The following DCC variants were observed in gnomAD, a reference collection of about 807,000 sequenced individuals.
DCC encodes the protein DCC netrin 1 receptor.
In DCC, 58 loss-of-function variants were observed where a neutral mutation model predicts 172.5. The ratio of observed to expected loss-of-function variants is 0.34; its 90% CI spans 0.27 to 0.42. The LOEUF (loss-of-function observed/expected upper bound fraction) is 0.42, where lower values mean the gene tolerates loss of function less well. Ranked by LOEUF, DCC falls within the 10% of genes least tolerant of loss-of-function variation. The probability of loss-of-function intolerance (pLI) is 1.00; values close to 1 mark genes in which losing one functional copy is unlikely to be tolerated. For synonymous variants in DCC, 709 were observed against 644.5 expected, an observed-to-expected ratio of 1.10 and a Z score of -1.52; for missense variants, 1,740 against 1,791.0, an observed-to-expected ratio of 0.97 and a Z score of 0.51.
At chr18:52,770,358 T>C (rs1373268103) in intron 2 of DCC, among the ~76,000 whole-genome samples, 1 of 152,228 alleles carries the variant, frequency 6.6e-6, no homozygotes, top group Non-Finnish European at 1.5e-5. Context: ...TTAAAGCTGT[T>C]TTGCTGTTTC....
chr18:52,729,984 A>G (rs1270691780), intron 1 of DCC, among the ~76,000 whole-genome samples: 1 of 152,224 alleles, frequency 6.6e-6, no homozygotes, highest in African/African-American at 2.4e-5. Flanking sequence ...TCATTGTTTT[A>G]TAAATGTCTT....
chr18:52,983,858 T>C (rs144851788), intron 5 of DCC, among the ~76,000 whole-genome samples: 2,507 of 152,152 alleles, frequency 0.016, 143 homozygotes, highest in Admixed American at 0.11. Flanking sequence ...ATAAATAAGA[T>C]ATGTATCAGC....
intron 1 of DCC, among the ~76,000 whole-genome samples, chr18:52,721,168 CAT>C (rs1260048396): frequency 2.6e-5 from 4 of 152,146 alleles, no homozygotes; most frequent in Non-Finnish European, 5.9e-5. Flanking sequence ...GTATTATCCA[CAT>C]GAGTAAGTTG....
chr18:52,842,081 T>C (rs1010002328), intron 2 of DCC, among the ~76,000 whole-genome samples: 15 of 152,004 alleles, frequency 9.9e-5, no homozygotes, highest in Non-Finnish European at 1.9e-4. Flanking sequence ...GTAAAGAAAA[T>C]TTAGTTTTAT....
At chr18:52,984,983 T>G (rs542421028) in intron 5 of DCC, among the ~76,000 whole-genome samples, 1 of 152,168 alleles carries the variant, frequency 6.6e-6, no homozygotes, top group South Asian at 2.1e-4. Flanking sequence ...TCACTAAGAT[T>G]ACATATTTCT....
At chr18:53,091,850 TCA>T (rs1378819904) in intron 7 of DCC, among the ~76,000 whole-genome samples, 28 of 49,856 alleles carry the variant, frequency 5.6e-4, no homozygotes, top group East Asian at 9.9e-3. Flanking sequence ...TATCTATCTA[TCA>T]ATCTATCTAT....
At chr18:52,621,597 T>C (rs372228337) in intron 1 of DCC, among the ~76,000 whole-genome samples, 8 of 152,150 alleles carry the variant, frequency 5.3e-5, no homozygotes, top group African/African-American at 1.9e-4. Flanking sequence ...ACTGTACTTT[T>C]GCAAAAAGGA....
At position 52,340,578 on chromosome 18, in the gene DCC, G is replaced by T. The variant is rs1983580842; in HGVS notation, c.-210G>T. ...GAACTTTTTGCTGCCTGCTTTTGCTGCTGATTCTGTCAGTGGACAAGGAAA... is the reference window on the plus strand; with the variant it reads ...GAACTTTTTGCTGCCTGCTTTTGCTTCTGATTCTGTCAGTGGACAAGGAAA... On this transcript the variant is annotated 5_prime_UTR_variant, in exon 1 of 29. Transcript: ENST00000442544. The T allele has an allele frequency of 3.2e-6, 2 of 630,994 alleles. No homozygotes were observed. The highest frequency in any genetic ancestry group is 5.0e-5 in the Admixed American group (2 of 40,364). The allele number at this position is 630,994 out of a possible 1,614,324, so 39.1% of individuals were successfully genotyped here.
chr18:52,739,386 C>T (rs1010630987), intron 1 of DCC, among the ~76,000 whole-genome samples: 2 of 152,036 alleles, frequency 1.3e-5, no homozygotes, highest in Non-Finnish European at 1.5e-5. Flanking sequence ...TTGTTAAATA[C>T]CTCTGAAATA....
chr18:52,857,873 C>T (rs1012934299), intron 2 of DCC, among the ~76,000 whole-genome samples: 1 of 152,066 alleles, frequency 6.6e-6, no homozygotes, highest in Admixed American at 6.5e-5. Flanking sequence ...ATAATAATCT[C>T]CTCATAATTA....
chr18:52,813,452 T>A (rs1370565532), intron 2 of DCC, among the ~76,000 whole-genome samples: 1 of 152,182 alleles, frequency 6.6e-6, no homozygotes, highest in African/African-American at 2.4e-5. Context: ...ATCTGGATTA[T>A]CAACTGTCAC....
chr18:53,395,703 C>T (rs1480842358), intron 17 of DCC, among the ~76,000 whole-genome samples: 1 of 152,084 alleles, frequency 6.6e-6, no homozygotes, highest in African/African-American at 2.4e-5. Flanking sequence ...AGTGCAATGG[C>T]CTGATCTTGG....
chr18:53,077,679 G>C (rs2042742136), intron 7 of DCC, among the ~76,000 whole-genome samples: 1 of 152,068 alleles, frequency 6.6e-6, no homozygotes, highest in South Asian at 2.1e-4. Flanking sequence ...TAACTAACTT[G>C]TCCAAGGTCA....
At chr18:52,853,833 C>T (rs146074467) in intron 2 of DCC, among the ~76,000 whole-genome samples, 9 of 152,278 alleles carry the variant, frequency 5.9e-5, no homozygotes, top group African/African-American at 2.2e-4. Flanking sequence ...AGCAAGATGT[C>T]GCAGACAGAT....
chr18:53,157,260 CA>C (rs1460522738), intron 7 of DCC, 95 bp from the exon 8 acceptor site: 7 of 1,431,614 alleles, frequency 4.9e-6, no homozygotes, highest in Non-Finnish European at 2.9e-6. Flanking sequence ...GTGACTATGA[CA>C]TGGAGATGCT....
chr18:53,270,431 C>G (rs1012614771), intron 12 of DCC, among the ~76,000 whole-genome samples: 1 of 152,024 alleles, frequency 6.6e-6, no homozygotes, highest in Admixed American at 6.6e-5. Context: ...CAAAATCTTT[C>G]TAAAAACCTA....
At chr18:53,361,644 T>C (rs553096473) in intron 15 of DCC, among the ~76,000 whole-genome samples, 113 of 152,286 alleles carry the variant, frequency 7.4e-4, no homozygotes, top group African/African-American at 2.6e-3. Context: ...CTTATGTTAG[T>C]GTACAGCAGA....
rs924611656 is a variant in DCC at position 53,214,245 on chromosome 18, C to T, written c.1862-1303C>T. ...AAACTACACTGGCTGCAACCTTCAT[C>T]AGGCACTAAGATCAGAAGTTCAAAA... On this transcript the variant is annotated intron_variant, in intron 11 of 28. Transcript: ENST00000442544. 5.3e-5 allele frequency among the ~76,000 whole-genome samples: 8 copies of T among 151,992 alleles called. No individual in the cohort carries two copies. The East Asian group carries it at 1.5e-3, about 29-fold the overall frequency.
At chr18:53,311,178 A>G (rs1239411070) in intron 13 of DCC, among the ~76,000 whole-genome samples, 2 of 151,516 alleles carry the variant, frequency 1.3e-5, no homozygotes. Context: ...CTGGAGTGCA[A>G]TGGTGCAATC....
Sources: allele counts gnomAD v4.1 joint callset (sites outside exome capture counted in the v4.1 genomes callset), GRCh38; gene constraint gnomAD v4.1.1; transcripts MANE v1.5; gene names NCBI Gene and HGNC (gene_info 2026-07-23, HGNC 2026-07-21).